ASB9: variants seen among roughly 807,000 people sequenced by gnomAD.
The protein encoded by ASB9 is ankyrin repeat and SOCS box protein 9.
ASB9 carries 5 observed loss-of-function variants against 16.6 expected under a neutral mutation model. The ratio of observed to expected loss-of-function variants is 0.30; its 90% CI spans 0.16 to 0.63. The LOEUF (loss-of-function observed/expected upper bound fraction) is 0.63, where lower values mean the gene tolerates loss of function less well. Among genes scored for constraint, ASB9 ranks in the 30% least tolerant of loss-of-function variants. The probability of loss-of-function intolerance (pLI) is 0.82; values close to 1 mark genes in which losing one functional copy is unlikely to be tolerated. For missense variants in ASB9, 216 were observed against 229.4 expected, an observed-to-expected ratio of 0.94 and a Z score of 0.38; for synonymous variants, 100 against 86.4, an observed-to-expected ratio of 1.16 and a Z score of -0.87.
At chrX:15,254,690 T>A (rs372988015) in intron 3 of ASB9, 47 bp downstream of exon 3, 1 of 1,004,833 alleles carries the variant, frequency 1.0e-6, no homozygotes, top group Non-Finnish European at 1.4e-6. Context: ...ATATACATAG[T>A]CATTTTTCAT....
chrX:15,255,447 G>A (rs1021456141), intron 2 of ASB9, among the ~76,000 whole-genome samples: 2 of 111,373 alleles, frequency 1.8e-5, no homozygotes, highest in South Asian at 3.8e-4. Flanking sequence ...CAAGGAAATC[G>A]GGATAATGGT....
At chrX:15,250,404 T>C in intron 5 of ASB9, 26 bp downstream of exon 5, 1 of 1,192,284 alleles carries the variant, frequency 8.4e-7, no homozygotes, top group Non-Finnish European at 1.1e-6. Context: ...TTTTCTTTTC[T>C]TGTTTTGGTT....
chrX:15,254,974 A>G (rs1271789310), intron 2 of ASB9, 130 bp from the exon 3 acceptor site: 1 of 458,629 alleles, frequency 2.2e-6, no homozygotes, highest in Admixed American at 4.0e-5. Flanking sequence ...TAAGGTGTTT[A>G]TATTGACTTT....
chrX:15,267,752 C>CAAAAAAAAAAAAAA (rs76177108), intron 1 of ASB9, among the ~76,000 whole-genome samples: 2 of 83,622 alleles, frequency 2.4e-5, no homozygotes, highest in Non-Finnish European at 2.4e-5. Context: ...TCAAAAAAAA[C>CAAAAAAAAAAAAAA]AAAAAAAAAA....
chrX:15,254,941 T>C, intron 2 of ASB9, 97 bp from the exon 3 acceptor site: 1 of 650,075 alleles, frequency 1.5e-6, no homozygotes, highest in Non-Finnish European at 2.4e-6. Flanking sequence ...AAAGCTGACC[T>C]GGCTCAAAGT....
Position 15,258,770 on chromosome X carries a change from T to C in ASB9, c.174+96A>G, listed in dbSNP as rs887344993. ...CTAGAATCACCACTAGGTCTTCTAT[T>C]TAATGAATTAATTTAAAAGTCCCTA... On this transcript the variant is annotated intron_variant, in intron 2 of 6. Coordinates refer to ENST00000380488, the MANE Select transcript of ASB9 (RefSeq NM_001031739.3). The C allele has an allele frequency of 7.7e-6, 5 of 651,056 alleles. No homozygotes were observed. In the African/African-American group the frequency reaches 1.1e-4, roughly 14 times the overall value. The allele number at this position is 651,056 out of a possible 1,213,427, so 53.7% of individuals were successfully genotyped here.
chrX:15,249,086 T>G, intron 5 of ASB9, 151 bp from the exon 6 acceptor site: 2 of 526,195 alleles, frequency 3.8e-6, no homozygotes, highest in Admixed American at 9.5e-5. Context: ...TGTGATTCCA[T>G]TTAATAATGT....
Position 15,248,810 on chromosome X carries a change from C to A in ASB9, c.694G>T (p.Gly232Cys). 8.3e-7 allele frequency: 1 copy of A among 1,211,808 alleles called. No individual in the cohort carries two copies. Among genetic ancestry groups the A allele is most frequent in the Non-Finnish European group, 1.1e-6 (1 of 895,498 alleles). ...GADTQAKNAE[G>C]KRPVELVPPE... The stretch of plus-strand genomic sequence containing the variant: ...GGCACCAGCTCCACAGGACGTTTGC[C>A]TTCAGCATTCTTGGCCTGGGTGTCC... Residue 232 changes from glycine to cysteine, a missense_variant, in exon 6 of 7, where the codon GGC (glycine) becomes TGC (cysteine). Transcript: ENST00000380488.
intron 1 of ASB9, among the ~76,000 whole-genome samples, chrX:15,263,704 G>A (rs1159404839): frequency 9.0e-6 from 1 of 110,823 alleles, no homozygotes; most frequent in African/African-American, 3.3e-5. Flanking sequence ...CCCTCCTGAG[G>A]TGCCCCAATA....
intron 5 of ASB9, 34 bp downstream of exon 5, chrX:15,250,396 T>C (rs1925008895): frequency 8.4e-7 from 1 of 1,187,383 alleles, no homozygotes; most frequent in African/African-American, 1.8e-5. Flanking sequence ...ACTTTTCGTT[T>C]TCTTTTCTTG....
At chrX:15,262,260 T>C (rs1019572391) in intron 1 of ASB9, among the ~76,000 whole-genome samples, 1 of 111,668 alleles carries the variant, frequency 9.0e-6, no homozygotes, top group Non-Finnish European at 1.9e-5. Flanking sequence ...TAAACATTCA[T>C]ATACAAGTTT....
At chrX:15,260,184 A>C (rs1424969107) in intron 1 of ASB9, among the ~76,000 whole-genome samples, 5 of 112,233 alleles carry the variant, frequency 4.5e-5, no homozygotes, top group African/African-American at 1.6e-4. Context: ...AGATCACCTG[A>C]GGTCAGGAGT....
At chrX:15,255,146 C>T (rs189214812) in intron 2 of ASB9, among the ~76,000 whole-genome samples, 95 of 111,457 alleles carry the variant, frequency 8.5e-4, no homozygotes, top group Middle Eastern at 4.6e-3. Context: ...CAAGAATATT[C>T]ACAACAGCAT....
chrX:15,250,305 T>C (rs997432939), intron 5 of ASB9, 125 bp downstream of exon 5: 2 of 767,349 alleles, frequency 2.6e-6, no homozygotes. Context: ...ACAGTCAATA[T>C]GAACCCTGAC....
intron 1 of ASB9, among the ~76,000 whole-genome samples, chrX:15,267,425 T>TTTTAAAAAAAAAAAAAA (rs377056337): frequency 1.1e-5 from 1 of 87,673 alleles, no homozygotes; most frequent in Non-Finnish European, 2.2e-5. Flanking sequence ...AAAATATATA[T>TTTTAAAAAAAAAAAAAA]ATATATATAA....
chrX:15,266,892 T>C (rs1480756452), intron 1 of ASB9, among the ~76,000 whole-genome samples: 9 of 103,630 alleles, frequency 8.7e-5, no homozygotes, highest in Non-Finnish European at 1.4e-4. Flanking sequence ...GCCAAGATTG[T>C]GCCACTGCAC....
upstream of ASB9, chrX:15,270,161 GC>G: frequency 4.3e-6 from 1 of 233,623 alleles, no homozygotes; most frequent in East Asian, 7.2e-5. Flanking sequence ...GAACCCTCCA[GC>G]CCTAAGTCTG....
chrX:15,251,103 G>C (rs1925084478), intron 4 of ASB9, among the ~76,000 whole-genome samples: 1 of 112,384 alleles, frequency 8.9e-6, no homozygotes, highest in South Asian at 3.7e-4. Context: ...AACTCCATTT[G>C]AGTTTACTAG....
intron 1 of ASB9, among the ~76,000 whole-genome samples, chrX:15,260,091 C>T (rs1009027819): frequency 2.7e-5 from 3 of 112,114 alleles, no homozygotes; most frequent in African/African-American, 9.7e-5. Context: ...ACCTCATCAT[C>T]ATTGCTATTT....
Sources: gnomAD v4.1 joint callset for allele counts (sites outside exome capture counted in the v4.1 genomes callset) on GRCh38, gnomAD v4.1.1 for gene constraint, MANE v1.5 for transcripts, NCBI Gene and HGNC (gene_info 2026-07-23, HGNC 2026-07-21) for gene names.